The following ZNF800 variants were observed in gnomAD, a reference collection of about 807,000 sequenced individuals.
ZNF800 encodes the protein zinc finger protein 800.
A neutral mutation model predicts 59.5 loss-of-function variants in ZNF800; 13 were observed. The observed-to-expected ratio is 0.22, with a 90% CI of 0.14 to 0.35. The LOEUF (loss-of-function observed/expected upper bound fraction) is 0.35, where lower values mean the gene tolerates loss of function less well. Among genes scored for constraint, ZNF800 ranks in the 10% least tolerant of loss-of-function variants. The probability of loss-of-function intolerance (pLI) is 1.00; values close to 1 mark genes in which losing one functional copy is unlikely to be tolerated. For missense variants in ZNF800, 621 were observed against 783.7 expected, an observed-to-expected ratio of 0.79 and a Z score of 2.48; for synonymous variants, 266 against 265.7, an observed-to-expected ratio of 1.00 and a Z score of -0.01.
intron 2 of ZNF800, among the ~76,000 whole-genome samples, chr7:127,386,915 A>C (rs1801151521): frequency 6.6e-6 from 1 of 151,926 alleles, no homozygotes; most frequent in Admixed American, 6.6e-5. Context: ...AGATGCAGAA[A>C]TATATAAATT....
rs1245545550 is a variant in ZNF800 at position 127,374,754 on chromosome 7, A to T, written c.582T>A (p.Pro194=). ...TDTEVETVEP[P]PVEIVTDEVA... Reference sequence around the variant, plus strand: ...CTTCATCTGTAACAATCTCAACAGGAGGGGGCTCTACAGTTTCCACCTCTG... The same window carrying T: ...CTTCATCTGTAACAATCTCAACAGGTGGGGGCTCTACAGTTTCCACCTCTG... The change falls in exon 5 of 6, where the codon CCT becomes CCA. Residue 194 remains proline, a synonymous_variant. Coordinates refer to ENST00000265827, the MANE Select transcript of ZNF800 (RefSeq NM_176814.5). 1.2e-6 allele frequency: 2 copies of T among 1,613,838 alleles called. No homozygotes were observed. The highest frequency in any genetic ancestry group is 1.3e-5 in the African/African-American group (1 of 74,914).
intron 1 of ZNF800, among the ~76,000 whole-genome samples, chr7:127,359,378 T>C (rs1800347182): frequency 6.6e-6 from 1 of 152,134 alleles, no homozygotes; most frequent in African/African-American, 2.4e-5. Context: ...ACAAAGTTAA[T>C]TTAGTTATTT....
At chr7:127,376,666 C>T (rs1800795012) in intron 4 of ZNF800, among the ~76,000 whole-genome samples, 1 of 151,862 alleles carries the variant, frequency 6.6e-6, no homozygotes, top group Non-Finnish European at 1.5e-5. Context: ...CAAATCAAGA[C>T]CTAGAAAATA....
intron 3 of ZNF800, among the ~76,000 whole-genome samples, chr7:127,378,190 C>T (rs758831569): frequency 1.3e-5 from 2 of 151,910 alleles, no homozygotes; most frequent in Non-Finnish European, 2.9e-5. Context: ...GTTGAAGAAA[C>T]GCTACTAATC....
chr7:127,392,046 T>TGC lies in ZNF800; in HGVS notation c.-59+12_-59+13dup, dbSNP rs1213702341. On this transcript the variant is annotated intron_variant, in intron 1 of 5. Coordinates refer to ENST00000265827, the MANE Select transcript of ZNF800 (RefSeq NM_176814.5). Reference sequence around the variant, plus strand: ...CGGAGACCCCGTCCCCACAACCAAGTGCGCCCAACTTACTCAACTCTTAGG... The same window carrying TGC: ...CGGAGACCCCGTCCCCACAACCAAGTGCGCGCCCAACTTACTCAACTCTTAGG... 1 of 388,336 alleles carries TGC rather than the reference T, an allele frequency of 2.6e-6. No individual in the cohort carries two copies. The highest frequency in any genetic ancestry group is 4.5e-6 in the Non-Finnish European group (1 of 219,814). 24.1% of individuals were successfully genotyped at this position (388,336 alleles called of 1,614,324 possible).
intron 2 of ZNF800, 78 bp from the exon 3 acceptor site, chr7:127,386,233 A>G (rs1801136153): frequency 4.9e-6 from 4 of 816,568 alleles, no homozygotes; most frequent in Non-Finnish European, 6.1e-6. Context: ...AAGTAAAACA[A>G]TGGCTTTCTA....
rs1800828066 is a variant in ZNF800, at chr7:127,377,802, T to A, written c.158-473A>T. 6.6e-6 allele frequency among the ~76,000 whole-genome samples: 1 copy of A among 152,072 alleles called. No individual in the cohort carries two copies. Among genetic ancestry groups the A allele is most frequent in the South Asian group, 2.1e-4 (1 of 4,830 alleles). On this transcript the variant is annotated intron_variant, in intron 3 of 5. Transcript: ENST00000265827. This position sits in a 1 kb window ranked among gnomAD's most constrained non-coding sequence, Gnocchi z 4.7. ...TAAGCAAGGAGTTTTTCAATACATT[T>A]TCCCCTTATTCCTTAAAGAAGGTCA... is the stretch of plus-strand genomic sequence containing the variant.
Position 127,391,544 on chromosome 7 carries a change from T to G in ZNF800, c.14A>C (p.Asp5Ala), listed in dbSNP as rs1031273392. 6.2e-7 allele frequency: 1 copy of G among 1,614,180 alleles called. No homozygotes were observed. Among genetic ancestry groups the G allele is most frequent in the Non-Finnish European group, 8.5e-7 (1 of 1,180,030 alleles). MPLR[D>A]KYCQTDHHHH... ...ATGGTGGTCAGTCTGACAGTATTTG[T>G]CCCTTAAAGGCATTTTCAGTGGACT... The change falls in exon 2 of 6, where the codon GAC becomes GCC. Residue 5 changes from aspartate (D) to alanine (A), a missense_variant. Physicochemically the swap from Asp to Ala is moderately radical, Grantham distance 126. Around this residue, in one of 7 missense-constraint regions of ZNF800, gnomAD observed 57 missense variants for 77.1 expected, o/e 0.74. Coordinates refer to ENST00000265827, the MANE Select transcript of ZNF800 (RefSeq NM_176814.5).
At chr7:127,360,944 C>T (rs1034644911) in intron 1 of ZNF800, 3 of 152,062 alleles carry the variant, frequency 2.0e-5, no homozygotes, top group Admixed American at 6.6e-5. Context: ...TAACCAACAG[C>T]CTCCATCCAA....
exon 2 of ZNF800, chr7:127,347,808 G>C (rs1168706581): frequency 1.3e-5 from 2 of 152,156 alleles, no homozygotes; most frequent in Admixed American, 1.3e-4. Flanking sequence ...CCTGAGGTAC[G>C]GCGGTGCGGA....
At chr7:127,372,528 T>C in intron 5 of ZNF800, 1 of 816,202 alleles carries the variant, frequency 1.2e-6, no homozygotes, top group Non-Finnish European at 1.5e-6. Flanking sequence ...CAAATATGAA[T>C]TTTACTTTTC....
downstream of ZNF800, among the ~76,000 whole-genome samples, chr7:127,368,435 A>G (rs11563346): frequency 0.13 from 20,444 of 152,132 alleles, 1,637 homozygotes; most frequent in Middle Eastern, 0.22. Context: ...CCTGCTGCAC[A>G]TATCTTAGAG....
chr7:127,367,980 T>C (rs1426434086), downstream of ZNF800, among the ~76,000 whole-genome samples: 1 of 152,092 alleles, frequency 6.6e-6, no homozygotes, highest in East Asian at 1.9e-4. Flanking sequence ...TGAAAATATG[T>C]AGAGGAAGAG....
At chr7:127,360,200 T>G (rs1200928683) in intron 1 of ZNF800, 1 of 152,128 alleles carries the variant, frequency 6.6e-6, no homozygotes. Flanking sequence ...ATATAGGAGC[T>G]TGGACACTAC....
chr7:127,376,421 A>T (rs532174160), intron 4 of ZNF800, among the ~76,000 whole-genome samples: 31 of 152,050 alleles, frequency 2.0e-4, no homozygotes, highest in African/African-American at 6.5e-4. Flanking sequence ...GAATTTTTTT[A>T]AATTTACATT....
At chr7:127,349,164 T>C (rs926409052) in intron 1 of ZNF800, among the ~76,000 whole-genome samples, 1 of 152,270 alleles carries the variant, frequency 6.6e-6, no homozygotes, top group Non-Finnish European at 1.5e-5. Context: ...GTGGGACAAA[T>C]GTTTTAGATC....
At chr7:127,353,130 C>T (rs1421962474) in intron 1 of ZNF800, among the ~76,000 whole-genome samples, 1 of 152,094 alleles carries the variant, frequency 6.6e-6, no homozygotes, top group African/African-American at 2.4e-5. Flanking sequence ...AGAACTTGGA[C>T]ATATAAACTT....
At chr7:127,380,424 A>ATTT (rs1391184603) in intron 3 of ZNF800, among the ~76,000 whole-genome samples, 5 of 152,192 alleles carry the variant, frequency 3.3e-5, no homozygotes, top group African/African-American at 9.6e-5. Flanking sequence ...AGACTTTAAA[A>ATTT]CTTTTTTAAT....
At chr7:127,376,163 T>G (rs6979232) in intron 4 of ZNF800, among the ~76,000 whole-genome samples, 1 of 151,612 alleles carries the variant, frequency 6.6e-6, no homozygotes, top group Non-Finnish European at 1.5e-5. Flanking sequence ...GTAGGAAATA[T>G]TTCCAGGTAA....
Sources: gnomAD v4.1 joint callset for allele counts (sites outside exome capture counted in the v4.1 genomes callset) on GRCh38, gnomAD v4.1.1 for gene constraint, gnomAD v4.1.1 regional missense constraint, Gnocchi (gnomAD v3.1) non-coding constraint, MANE v1.5 for transcripts, NCBI Gene and HGNC (gene_info 2026-07-23, HGNC 2026-07-21) for gene names.